FMNL2: variants seen among roughly 807,000 people sequenced by gnomAD.
FMNL2 encodes the protein formin-like protein 2.
Under a neutral mutation model 130.2 loss-of-function variants are expected in FMNL2, and 51 were observed. That is an observed-to-expected ratio of 0.39 (90% CI 0.31 to 0.49). The LOEUF is 0.49. FMNL2 is among the 20% of genes least tolerant of loss of function. FMNL2 has a pLI of 0.85. For missense variants in FMNL2, 977 were observed against 1,316.2 expected (o/e 0.74, Z 3.99); for synonymous variants, 465 against 467.1 (o/e 1.00, Z 0.06).
intron 21 of FMNL2, among the ~76,000 whole-genome samples, chr2:152,632,378 C>A (rs761110426): frequency 1.6e-4 from 25 of 152,194 alleles, no homozygotes; most frequent in Non-Finnish European, 3.1e-4. Context: ...AGCGTCATGT[C>A]CCTTCCCTCT....
rs560366683 is a variant in FMNL2 at position 152,561,044 on chromosome 2, G to A, written c.596+9G>A. ...AGACATTCTGCACTGCGGTGAGTTC[G>A]TTTAATCAGGAGGCAACTTTGGCAG... On this transcript the variant is annotated intron_variant, in intron 6 of 25. Coordinates refer to ENST00000288670, the MANE Select transcript of FMNL2 (RefSeq NM_052905.4). 70 of 1,581,782 alleles carry A rather than the reference G, an allele frequency of 4.4e-5. 1 individual carries two copies. The highest frequency in any genetic ancestry group is 1.7e-4 in the Middle Eastern group (1 of 5,958).
intron 1 of FMNL2, among the ~76,000 whole-genome samples, chr2:152,427,765 A>G (rs1258399586): frequency 6.6e-6 from 1 of 152,182 alleles, no homozygotes; most frequent in African/African-American, 2.4e-5. Flanking sequence ...ACCTCTATGA[A>G]GCTTCTTATA....
rs938287379 is a variant in FMNL2 at position 152,548,775 on chromosome 2, T to G, written c.283-246T>G. ...ATATTGGTGAATACTGTTGTGTGTG[T>G]GGGGTAGGGAAATAAAATCTACTTA... On this transcript the variant is annotated intron_variant, in intron 3 of 25. Transcript: ENST00000288670. 4.6e-5 allele frequency among the ~76,000 whole-genome samples: 7 copies of G among 152,100 alleles called. No homozygotes were observed. In the South Asian group the frequency reaches 1.0e-3, roughly 23 times the overall value.
At chr2:152,530,505 G>T (rs1450005250) in intron 2 of FMNL2, among the ~76,000 whole-genome samples, 1 of 152,140 alleles carries the variant, frequency 6.6e-6, no homozygotes, top group Non-Finnish European at 1.5e-5. Context: ...CCATACAATT[G>T]TAGCTTCTCC....
At chr2:152,635,536 T>C (rs924477937) in intron 21 of FMNL2, among the ~76,000 whole-genome samples, 7 of 152,258 alleles carry the variant, frequency 4.6e-5, no homozygotes, top group African/African-American at 1.7e-4. Flanking sequence ...ATTAAAATGA[T>C]GTATAACATA....
At chr2:152,622,495 A>T (rs746332022) in intron 15 of FMNL2, 3 of 456,362 alleles carry the variant, frequency 6.6e-6, no homozygotes, top group South Asian at 3.1e-5. Flanking sequence ...ACCATATCTA[A>T]TTTTTTTTGT....
At chr2:152,418,939 A>G (rs898433360) in intron 1 of FMNL2, among the ~76,000 whole-genome samples, 1 of 150,598 alleles carries the variant, frequency 6.6e-6, no homozygotes, top group African/African-American at 2.4e-5. Context: ...CGAGCCCTCC[A>G]TATCCTTATA....
At chr2:152,403,750 T>C (rs1685833195) in intron 1 of FMNL2, among the ~76,000 whole-genome samples, 1 of 152,308 alleles carries the variant, frequency 6.6e-6, no homozygotes, top group Non-Finnish European at 1.5e-5. Flanking sequence ...GTCTCTAAAA[T>C]GATCTTTAGC....
intron 1 of FMNL2, among the ~76,000 whole-genome samples, chr2:152,412,681 A>T (rs1686386826): frequency 6.6e-6 from 1 of 151,156 alleles, no homozygotes; most frequent in South Asian, 2.1e-4. Flanking sequence ...GGTTGTGTGC[A>T]CCTGTACTCC....
intron 15 of FMNL2, chr2:152,625,201 C>A: frequency 2.3e-6 from 1 of 429,202 alleles, no homozygotes; most frequent in Non-Finnish European, 4.2e-6. Flanking sequence ...AAAAATCAAC[C>A]CTTGGCCCTT....
intron 1 of FMNL2, among the ~76,000 whole-genome samples, chr2:152,495,792 G>A (rs775552279): frequency 1.9e-4 from 29 of 151,832 alleles, no homozygotes; most frequent in Non-Finnish European, 3.8e-4. Context: ...AATCAACTAG[G>A]ATGCCTTGTT....
intron 2 of FMNL2, among the ~76,000 whole-genome samples, chr2:152,531,314 C>T (rs80226450): frequency 2.0e-5 from 3 of 152,106 alleles, no homozygotes; most frequent in African/African-American, 7.2e-5. Flanking sequence ...TCCTTAGATC[C>T]TATTTGAAAG....
intron 1 of FMNL2, among the ~76,000 whole-genome samples, chr2:152,483,962 G>A (rs770102232): frequency 3.9e-5 from 6 of 152,232 alleles, no homozygotes; most frequent in Non-Finnish European, 8.8e-5. Context: ...CTCTTAAGAT[G>A]TATTTGTATA....
In FMNL2 at chr2:152,336,092, A is replaced by ACAAAACAAAACAAAAC. The variant is rs1553861629; in HGVS notation, c.117+372_117+373insCAAAACAAAACAAAAC. Among the ~76,000 whole-genome samples the ACAAAACAAAACAAAAC allele has an allele frequency of 1.3e-4, 17 of 132,336 alleles. No homozygotes were observed. In the South Asian group the frequency reaches 3.3e-3, roughly 26 times the overall value. 86.8% of individuals were successfully genotyped at this position (132,336 alleles called of 152,430 possible). On this transcript the variant is annotated intron_variant, in intron 1 of 25. Coordinates refer to ENST00000288670, the MANE Select transcript of FMNL2 (RefSeq NM_052905.4). ...GAGCCGCTTAGGCTTTTTTTTTAAA[A>ACAAAACAAAACAAAAC]AAAACAAAACAAAACAAAACAAAAC...
Position 152,628,315 on chromosome 2 carries a change from C to A in FMNL2, c.2182C>A (p.Leu728Met), listed in dbSNP as rs1681936959. The A allele has an allele frequency of 6.2e-7, 1 of 1,613,908 alleles. No homozygotes were observed. The highest frequency in any genetic ancestry group is 1.1e-5 in the South Asian group (1 of 91,094). ...KAIHVFDLKT[L>M]PVDFVECLMR... ...TGTCTTTAGATTTGACTTGAAGACACTGCCTGTGGACTTTGTGGAATGCTT... is the reference window on the plus strand; with the variant it reads ...TGTCTTTAGATTTGACTTGAAGACAATGCCTGTGGACTTTGTGGAATGCTT... Residue 728 changes from leucine to methionine, a missense_variant, in exon 18 of 26, where the codon CTG becomes ATG. Leu to Met is a conservative substitution (Grantham distance 15, BLOSUM62 2). Coordinates refer to ENST00000288670, the MANE Select transcript of FMNL2 (RefSeq NM_052905.4).
At chr2:152,390,357 G>GAATGGAATGGAA in intron 1 of FMNL2, 1 of 1,098,646 alleles carries the variant, frequency 9.1e-7, no homozygotes, top group Non-Finnish European at 1.4e-6. Context: ...GGATGGCAAG[G>GAATGGAATGGAA]TGGTGACTGT....
rs551043620 is a variant in FMNL2, at chr2:152,344,913, A to G, written c.117+9193A>G. Among the ~76,000 whole-genome samples, 10 of 152,372 alleles carry G rather than the reference A, an allele frequency of 6.6e-5. No individual in the cohort carries two copies. The East Asian group carries it at 1.9e-3, about 29-fold the overall frequency. On this transcript the variant is annotated intron_variant, in intron 1 of 25. Transcript: ENST00000288670. Reference sequence around the variant, plus strand: ...ATGCTTATATAAGCAATTAGCCTTGAGAATAGAAAGATAAATAGGATGCTA... The same window carrying G: ...ATGCTTATATAAGCAATTAGCCTTGGGAATAGAAAGATAAATAGGATGCTA...
intron 1 of FMNL2, among the ~76,000 whole-genome samples, chr2:152,378,127 A>G (rs1202704180): frequency 6.6e-6 from 1 of 151,652 alleles, no homozygotes; most frequent in Non-Finnish European, 1.5e-5. Context: ...AAAAAAAAAA[A>G]AAAAGTTAAA....
At chr2:152,496,404 G>A (rs1388027354) in intron 1 of FMNL2, among the ~76,000 whole-genome samples, 1 of 152,224 alleles carries the variant, frequency 6.6e-6, no homozygotes, top group East Asian at 1.9e-4. Context: ...TGCATGTCTC[G>A]TTACTTTGCT....
Sources: allele counts gnomAD v4.1 joint callset (sites outside exome capture counted in the v4.1 genomes callset), GRCh38; gene constraint gnomAD v4.1.1; transcripts MANE v1.5; gene names NCBI Gene and HGNC (gene_info 2026-07-23, HGNC 2026-07-21).